BICRAL: variants seen among roughly 807,000 people sequenced by gnomAD.
The protein encoded by BICRAL is BRD4-interacting chromatin-remodeling complex-associated protein-like.
In BICRAL, 8 loss-of-function variants were observed where a neutral mutation model predicts 91.8. That is an observed-to-expected ratio of 0.09 (90% CI 0.05 to 0.16). The LOEUF (loss-of-function observed/expected upper bound fraction) is 0.16, where lower values mean the gene tolerates loss of function less well. Among genes scored for constraint, BICRAL ranks in the 10% least tolerant of loss-of-function variants. The pLI is 1.00. For synonymous variants in BICRAL, 445 were observed against 491.1 expected (o/e 0.91, Z 1.24); for missense variants, 1,038 against 1,310.9 (o/e 0.79, Z 3.21).
At chr6:42,816,913 C>G (rs1764009711) in intron 2 of BICRAL, among the ~76,000 whole-genome samples, 1 of 150,756 alleles carries the variant, frequency 6.6e-6, no homozygotes, top group African/African-American at 2.4e-5. Context: ...ACTCGGGAGG[C>G]TGAGGCAGGA....
At chr6:42,755,926 G>A (rs916635797) in intron 1 of BICRAL, among the ~76,000 whole-genome samples, 32 of 151,754 alleles carry the variant, frequency 2.1e-4, no homozygotes, top group Admixed American at 1.7e-3. Flanking sequence ...CACCCATCTC[G>A]GCCTCCCAAA....
Position 42,829,042 on chromosome 6 carries a change from A to G in BICRAL, c.709A>G (p.Ile237Val). 6.2e-7 allele frequency: 1 copy of G among 1,614,124 alleles called. No homozygotes were observed. The highest frequency in any genetic ancestry group is 8.5e-7 in the Non-Finnish European group (1 of 1,179,966). The change falls in exon 6 of 13, where the codon ATA becomes GTA. Residue 237 changes from isoleucine to valine, a missense_variant. This residue lies in a region of BICRAL where 532 missense variants were observed against 724.9 expected (regional missense o/e 0.73). Transcript: ENST00000314073. ...TAATAACCTAGATGGATCTCAAATC[A>G]TATTAAAGGGCAGCGGGCAGCAAGC... The part of the protein sequence containing the change: ...TINNLDGSQI[I>V]LKGSGQQAPS...
intron 1 of BICRAL, among the ~76,000 whole-genome samples, chr6:42,749,692 CTT>C: frequency 6.6e-6 from 1 of 152,086 alleles, no homozygotes; most frequent in East Asian, 1.9e-4. Flanking sequence ...ATAATAATAA[CTT>C]TTTAAAAAAC....
Position 42,862,588 on chromosome 6 carries a change from A to G in BICRAL, c.2428A>G (p.Lys810Glu). Residue 810 changes from lysine (K) to glutamate (E), a missense_variant, in exon 12 of 13, where the codon AAG (lysine) becomes GAG (glutamate). Lys to Glu is a moderately conservative substitution (Grantham distance 56). Around this residue, in one of 5 missense-constraint regions of BICRAL, gnomAD observed 294 missense variants for 292.6 expected, o/e 1.00. Coordinates refer to ENST00000314073, the MANE Select transcript of BICRAL (RefSeq NM_001393499.1). Reference sequence around the variant, plus strand: ...GGAAAGAGCTTCCCTGTCCCGAGACAAGCGTTTGGCACTTGTAGACCCTGG... The same window carrying G: ...GGAAAGAGCTTCCCTGTCCCGAGACGAGCGTTTGGCACTTGTAGACCCTGG... ...QEERASLSRD[K>E]RLALVDPEGF... 1 of 1,607,678 alleles carries G rather than the reference A, an allele frequency of 6.2e-7. No individual in the cohort carries two copies. The highest frequency in any genetic ancestry group is 8.5e-7 in the Non-Finnish European group (1 of 1,174,266).
chr6:42,806,484 C>T (rs1252477439), intron 1 of BICRAL, among the ~76,000 whole-genome samples: 1 of 151,884 alleles, frequency 6.6e-6, no homozygotes. Context: ...GTAGCTGGGA[C>T]CACAGGCATG....
chr6:42,766,324 C>T (rs1252593275), intron 1 of BICRAL, among the ~76,000 whole-genome samples: 9 of 152,252 alleles, frequency 5.9e-5, no homozygotes, highest in East Asian at 1.9e-4. Context: ...GGACAAGGAT[C>T]GTCAGTGGGA....
chr6:42,816,448 A>G (rs1456780003), intron 2 of BICRAL, among the ~76,000 whole-genome samples: 1 of 151,682 alleles, frequency 6.6e-6, no homozygotes, highest in Non-Finnish European at 1.5e-5. Context: ...TATTTTTGAG[A>G]TAGGGTTTGG....
intron 1 of BICRAL, among the ~76,000 whole-genome samples, chr6:42,771,286 C>T (rs1024825572): frequency 6.6e-6 from 1 of 152,236 alleles, no homozygotes; most frequent in South Asian, 2.1e-4. Context: ...GCCGCTGCGC[C>T]CGTGCATCCG....
upstream of BICRAL, among the ~76,000 whole-genome samples, chr6:42,779,512 A>G (rs1048252867): frequency 6.6e-6 from 1 of 152,184 alleles, no homozygotes; most frequent in African/African-American, 2.4e-5. Context: ...TTACTGTTCC[A>G]AGGAGCCCTT....
At chr6:42,847,904 C>A (rs1228280506) in intron 6 of BICRAL, among the ~76,000 whole-genome samples, 1 of 151,850 alleles carries the variant, frequency 6.6e-6, no homozygotes, top group Admixed American at 6.6e-5. Context: ...CCGAGGCGGG[C>A]GGATCATGAG....
intron 1 of BICRAL, among the ~76,000 whole-genome samples, chr6:42,770,034 C>T (rs946651586): frequency 1.3e-5 from 2 of 152,122 alleles, no homozygotes; most frequent in Non-Finnish European, 2.9e-5. Flanking sequence ...CATCCACACC[C>T]TTCCATGATC....
chr6:42,747,255 G>T (rs1410432309), intron 1 of BICRAL, among the ~76,000 whole-genome samples: 1 of 152,226 alleles, frequency 6.6e-6, no homozygotes, highest in African/African-American at 2.4e-5. Context: ...CGCAGCCGCT[G>T]CCCGGGCGCG....
intron 6 of BICRAL, among the ~76,000 whole-genome samples, chr6:42,851,818 C>T (rs1765192584): frequency 6.6e-6 from 1 of 152,122 alleles, no homozygotes; most frequent in African/African-American, 2.4e-5. Context: ...GCACCACAAA[C>T]ACAGCAGCCC....
intron 1 of BICRAL, among the ~76,000 whole-genome samples, chr6:42,802,935 T>C (rs1410235740): frequency 6.6e-6 from 1 of 152,172 alleles, no homozygotes; most frequent in Admixed American, 6.6e-5. Flanking sequence ...CAAAATGCCC[T>C]CACACTCTCT....
rs564638855 is a variant in BICRAL, at chr6:42,843,964, A to AT, written c.1840-8109dup. Among the ~76,000 whole-genome samples the AT allele has an allele frequency of 4.6e-3, 610 of 132,212 alleles. 5 individuals are homozygous for AT. The highest frequency in any genetic ancestry group is 9.4e-3 in the African/African-American group (338 of 35,950). The allele number at this position is 132,212 out of a possible 152,430, so 86.7% of individuals were successfully genotyped here. ...CAGGTGCGCGTCACCATGCCGGCTA[A>AT]TTTTTTTTTTTTTTTTTTTAGTAGA... On this transcript the variant is annotated intron_variant, in intron 6 of 12. Coordinates refer to ENST00000314073, the MANE Select transcript of BICRAL (RefSeq NM_001393499.1).
chr6:42,859,940 C>T (rs915137934), intron 10 of BICRAL, among the ~76,000 whole-genome samples: 5 of 152,032 alleles, frequency 3.3e-5, no homozygotes, highest in East Asian at 1.9e-4. Flanking sequence ...CCACCGTGCC[C>T]GGCCTACTCA....
chr6:42,852,949 T>C (rs942046375), intron 7 of BICRAL, among the ~76,000 whole-genome samples: 2 of 147,586 alleles, frequency 1.4e-5, no homozygotes, highest in Non-Finnish European at 3.0e-5. Context: ...GGCATTGTCC[T>C]AGCTACCCAG....
At chr6:42,856,366 CTTTTTT>C (rs556976712) in intron 9 of BICRAL, among the ~76,000 whole-genome samples, 7 of 68,138 alleles carry the variant, frequency 1.0e-4, no homozygotes, top group African/African-American at 4.9e-4. Flanking sequence ...CTTTCTTTTC[CTTTTTT>C]TTTTTTTTTT....
chr6:42,823,587 A>T (rs553705526), intron 5 of BICRAL, among the ~76,000 whole-genome samples: 3 of 152,260 alleles, frequency 2.0e-5, no homozygotes, highest in Admixed American at 2.0e-4. Flanking sequence ...CAGGAGTTCA[A>T]GACCAGCCTG....
Sources: gnomAD v4.1 joint callset for allele counts (sites outside exome capture counted in the v4.1 genomes callset) on GRCh38, gnomAD v4.1.1 for gene constraint, gnomAD v4.1.1 regional missense constraint, MANE v1.5 for transcripts, NCBI Gene and HGNC (gene_info 2026-07-23, HGNC 2026-07-21) for gene names.